Variants in SUPV3L1 observed in about 807,000 individuals in gnomAD.
The protein encoded by SUPV3L1 is ATP-dependent RNA helicase SUPV3L1, mitochondrial.
A neutral mutation model predicts 70.0 loss-of-function variants in SUPV3L1; 35 were observed. The ratio of observed to expected loss-of-function variants is 0.50; its 90% CI spans 0.38 to 0.66. SUPV3L1 has a LOEUF of 0.66. SUPV3L1 is among the 30% of genes least tolerant of loss of function. SUPV3L1 has a pLI of 0.00. For missense variants in SUPV3L1, 777 were observed against 961.5 expected, an observed-to-expected ratio of 0.81 and a Z score of 2.54; for synonymous variants, 364 against 341.9, an observed-to-expected ratio of 1.06 and a Z score of -0.71.
In SUPV3L1 at chr10:69,208,695, C is replaced by T. The variant is rs192061774; in HGVS notation, c.2021C>T (p.Thr674Ile). The T allele has an allele frequency of 6.2e-7, 1 of 1,614,174 alleles. No individual in the cohort carries two copies. The highest frequency in any genetic ancestry group is 2.2e-5 in the East Asian group (1 of 44,890). Reference sequence around the variant, plus strand: ...ATCCAAGATGGTGTGCACAATATCACTAAATTGATTAAAATGTCTGAGACG... The same window carrying T: ...ATCCAAGATGGTGTGCACAATATCATTAAATTGATTAAAATGTCTGAGACG... ...GIIQDGVHNI[T>I]KLIKMSETHK... The change falls in exon 15 of 15, where the codon ACT becomes ATT. Residue 674 changes from threonine (T) to isoleucine (I), a missense_variant. This residue lies in a region of SUPV3L1 where 619 missense variants were observed against 823.3 expected (regional missense o/e 0.75). Coordinates refer to ENST00000359655, the MANE Select transcript of SUPV3L1 (RefSeq NM_003171.5).
intron 11 of SUPV3L1, among the ~76,000 whole-genome samples, chr10:69,200,813 A>C (rs952908811): frequency 6.6e-6 from 1 of 152,226 alleles, no homozygotes; most frequent in Non-Finnish European, 1.5e-5. Context: ...TCAGCTGAGC[A>C]CACAGAGCTA....
intron 1 of SUPV3L1, among the ~76,000 whole-genome samples, chr10:69,185,492 G>A (rs1444664300): frequency 1.4e-5 from 2 of 146,704 alleles, no homozygotes; most frequent in African/African-American, 2.5e-5. Context: ...TATTTGACTC[G>A]ATCATTTTTC....
Position 69,209,092 on chromosome 10 carries a change from A to C in SUPV3L1, c.*57A>C. ...ATTTTGCAAATAAAAATTTATTTTGAATCCTTTTTCCTCATATGCATTTAC... is the reference window on the plus strand; with the variant it reads ...ATTTTGCAAATAAAAATTTATTTTGCATCCTTTTTCCTCATATGCATTTAC... On this transcript the variant is annotated 3_prime_UTR_variant, in exon 15 of 15. Transcript: ENST00000359655. The C allele has an allele frequency of 1.4e-6, 2 of 1,462,490 alleles. No homozygotes were observed. Among genetic ancestry groups the C allele is most frequent in the South Asian group, 2.9e-5 (2 of 68,078 alleles). 90.6% of individuals were successfully genotyped at this position (1,462,490 alleles called of 1,614,324 possible).
intron 11 of SUPV3L1, among the ~76,000 whole-genome samples, chr10:69,201,881 G>A (rs960098520): frequency 1.4e-4 from 18 of 133,222 alleles, no homozygotes; most frequent in Admixed American, 7.0e-4. Flanking sequence ...TTGCTCTGTC[G>A]CCAGGCTGGA....
chr10:69,186,365 T>A lies in SUPV3L1; in HGVS notation c.350-78T>A, dbSNP rs532387771. ...AAAAAGAAAAAAAAAGACTCTTTGA[T>A]GAGTTTGGTGTGGTGTGTCTGTGTG... On this transcript the variant is annotated intron_variant, in intron 2 of 14. Transcript: ENST00000359655. 6.2e-6 allele frequency: 6 copies of A among 967,948 alleles called. No homozygotes were observed. In the South Asian group the frequency reaches 8.6e-5, roughly 14 times the overall value. 60.0% of individuals were successfully genotyped at this position (967,948 alleles called of 1,614,324 possible). A position where few individuals can be genotyped will look rare whatever the true frequency, so the allele number is the denominator to read the frequency against.
intron 1 of SUPV3L1, among the ~76,000 whole-genome samples, chr10:69,180,880 A>G (rs545884344): frequency 6.6e-6 from 1 of 152,272 alleles, no homozygotes; most frequent in African/African-American, 2.4e-5. Flanking sequence ...TCTTTCTTGC[A>G]TTCTTTGTTT....
At chr10:69,198,646 A>G (rs564154718) in intron 9 of SUPV3L1, 94 bp downstream of exon 9, 5 of 1,211,578 alleles carry the variant, frequency 4.1e-6, no homozygotes, top group Non-Finnish European at 5.9e-6. Flanking sequence ...ACAATATTGA[A>G]TTAAGCTGCT....
At chr10:69,207,626 T>A in intron 13 of SUPV3L1, 167 bp from the exon 14 acceptor site, 2 of 812,946 alleles carry the variant, frequency 2.5e-6, no homozygotes, top group South Asian at 4.3e-5. Context: ...TTATAAAGTA[T>A]TAAATGTTCT....
At chr10:69,202,665 A>G in intron 12 of SUPV3L1, 146 bp downstream of exon 12, 1 of 1,113,520 alleles carries the variant, frequency 9.0e-7, no homozygotes, top group Non-Finnish European at 1.3e-6. Context: ...ATTTTTTCTC[A>G]AAATCTTTTG....
chr10:69,187,557 A>G lies in SUPV3L1; in HGVS notation c.458-85A>G. Reference sequence around the variant, plus strand: ...TACCCTGGCAGTGCCCCCGCAACTTAGCTTGTTAAGAAAAAAGATTTCACT... The same window carrying G: ...TACCCTGGCAGTGCCCCCGCAACTTGGCTTGTTAAGAAAAAAGATTTCACT... On this transcript the variant is annotated intron_variant, in intron 3 of 14. Transcript: ENST00000359655. 6.2e-6 allele frequency: 6 copies of G among 973,042 alleles called. 1 individual carries two copies. In the South Asian group the frequency reaches 9.7e-5, roughly 16 times the overall value. 60.3% of individuals were successfully genotyped at this position (973,042 alleles called of 1,614,324 possible).
intron 5 of SUPV3L1, among the ~76,000 whole-genome samples, chr10:69,189,888 T>C (rs1221069580): frequency 2.0e-5 from 3 of 152,118 alleles, no homozygotes; most frequent in Non-Finnish European, 4.4e-5. Flanking sequence ...CCTCGTGATC[T>C]GCCCGTCTCG....
intron 4 of SUPV3L1, among the ~76,000 whole-genome samples, chr10:69,189,000 C>A (rs770911294): frequency 6.6e-6 from 1 of 152,086 alleles, no homozygotes; most frequent in Non-Finnish European, 1.5e-5. Flanking sequence ...TTTTAGTAAC[C>A]GCTGAGAAAA....
intron 3 of SUPV3L1, among the ~76,000 whole-genome samples, chr10:69,187,266 A>G (rs1402352123): frequency 6.6e-6 from 1 of 151,922 alleles, no homozygotes; most frequent in East Asian, 1.9e-4. Context: ...AGGAAAAAGT[A>G]AGACAAAACA....
intron 13 of SUPV3L1, among the ~76,000 whole-genome samples, chr10:69,206,859 T>G (rs1457431335): frequency 6.6e-6 from 1 of 152,086 alleles, no homozygotes; most frequent in African/African-American, 2.4e-5. Context: ...ATACAAAAAT[T>G]AGCTGGGTGT....
At chr10:69,203,803 G>A (rs578093171) in intron 13 of SUPV3L1, among the ~76,000 whole-genome samples, 13 of 151,884 alleles carry the variant, frequency 8.6e-5, no homozygotes, top group African/African-American at 3.1e-4. Context: ...ACAGCTCACT[G>A]CAACCTCAAC....
Position 69,189,417 on chromosome 10 carries a change from C to T in SUPV3L1, c.723C>T (p.Phe241=), listed in dbSNP as rs771578735. ...GPLKLLAHEI[F]EKSNAAGVPC... is the part of the protein sequence containing the mutation. ...TAAAATTACTGGCACATGAGATCTTCGAAAAGAGTAATGCTGCTGTCAGTA... is the reference window on the plus strand; with the variant it reads ...TAAAATTACTGGCACATGAGATCTTTGAAAAGAGTAATGCTGCTGTCAGTA... Residue 241 remains phenylalanine (F), a synonymous_variant, in exon 5 of 15, where the codon TTC becomes TTT. Transcript: ENST00000359655. The T allele has an allele frequency of 6.2e-6, 10 of 1,610,696 alleles. No individual in the cohort carries two copies. Among genetic ancestry groups the T allele is most frequent in the South Asian group, 3.3e-5 (3 of 90,236 alleles).
chr10:69,184,142 C>T (rs1013498698), intron 1 of SUPV3L1, among the ~76,000 whole-genome samples: 9 of 151,858 alleles, frequency 5.9e-5, no homozygotes, highest in African/African-American at 1.5e-4. Context: ...TAGTTTGTAT[C>T]GAGTTTATAG....
In SUPV3L1 at chr10:69,208,932, AAG is replaced by A; in HGVS notation, c.2261_2262del (p.Glu754ValfsTer7). ...CCAGACATGCTGAAACAGCTAGAAA[AAG>A]AGTGGATGACACAACAAACTGAACA... is the stretch of plus-strand genomic sequence containing the variant. On this transcript the variant is annotated frameshift_variant, in exon 15 of 15. Coordinates refer to ENST00000359655, the MANE Select transcript of SUPV3L1 (RefSeq NM_003171.5). LOFTEE classifies it low-confidence loss of function (END_TRUNC). The A allele has an allele frequency of 6.2e-7, 1 of 1,614,184 alleles. No homozygotes were observed. Among genetic ancestry groups the A allele is most frequent in the Non-Finnish European group, 8.5e-7 (1 of 1,180,038 alleles).
chr10:69,199,893 G>A lies in SUPV3L1; in HGVS notation c.1299-387G>A, dbSNP rs28654905. Among the ~76,000 whole-genome samples, 461 of 152,066 alleles carry A rather than the reference G, an allele frequency of 3.0e-3. 2 individuals carry two copies. Among genetic ancestry groups the A allele is most frequent in the African/African-American group, 0.011 (437 of 41,488 alleles). Reference sequence around the variant, plus strand: ...AGAGTCTCACTCTGTGCCCCACGCCGGAGTACAGTGGTGTGATCATGGCTC... The same window carrying A: ...AGAGTCTCACTCTGTGCCCCACGCCAGAGTACAGTGGTGTGATCATGGCTC... On this transcript the variant is annotated intron_variant, in intron 10 of 14. Coordinates refer to ENST00000359655, the MANE Select transcript of SUPV3L1 (RefSeq NM_003171.5).
Sources: allele counts gnomAD v4.1 joint callset (sites outside exome capture counted in the v4.1 genomes callset), GRCh38; gene constraint gnomAD v4.1.1; regional missense constraint gnomAD v4.1.1; transcripts MANE v1.5; gene names NCBI Gene and HGNC (gene_info 2026-07-23, HGNC 2026-07-21).